ICA1: variants seen among roughly 807,000 people sequenced by gnomAD.
The protein encoded by ICA1 is 69 kDa islet cell autoantigen.
A neutral mutation model predicts 71.0 loss-of-function variants in ICA1; 40 were observed. That is an observed-to-expected ratio of 0.56 (90% CI 0.44 to 0.73). ICA1 has a LOEUF of 0.73. Among genes scored for constraint, ICA1 ranks in the 30% least tolerant of loss-of-function variants. The probability of loss-of-function intolerance (pLI) is 0.00; values close to 1 mark genes in which losing one functional copy is unlikely to be tolerated. For synonymous variants in ICA1, 207 were observed against 209.5 expected (o/e 0.99, Z 0.10); for missense variants, 578 against 576.5 (o/e 1.00, Z -0.03).
At chr7:8,188,468 G>T (rs928898113) in intron 6 of ICA1, among the ~76,000 whole-genome samples, 4 of 152,160 alleles carry the variant, frequency 2.6e-5, no homozygotes, top group African/African-American at 9.7e-5. Flanking sequence ...AAGGCACAGA[G>T]TCAAGATTCC....
At chr7:8,133,393 A>G (rs1309013504) in intron 12 of ICA1, among the ~76,000 whole-genome samples, 2 of 152,154 alleles carry the variant, frequency 1.3e-5, no homozygotes, top group Non-Finnish European at 2.9e-5. Context: ...CCTTCTGAGT[A>G]GCTGGGACTA....
intron 6 of ICA1, among the ~76,000 whole-genome samples, chr7:8,199,219 T>G (rs1179746604): frequency 2.0e-5 from 3 of 152,214 alleles, no homozygotes; most frequent in Non-Finnish European, 2.9e-5. Flanking sequence ...ACAATCCCAC[T>G]GCAGGGTATA....
intron 6 of ICA1, among the ~76,000 whole-genome samples, chr7:8,217,040 C>G (rs905076993): frequency 6.6e-6 from 1 of 152,208 alleles, no homozygotes; most frequent in Non-Finnish European, 1.5e-5. Context: ...CTGGGCTCAC[C>G]AGCATCTAGC....
At chr7:8,165,515 C>A (rs938321362) in intron 6 of ICA1, among the ~76,000 whole-genome samples, 1 of 152,114 alleles carries the variant, frequency 6.6e-6, no homozygotes, top group Non-Finnish European at 1.5e-5. Flanking sequence ...TATTGGAAGT[C>A]CTAGCTTTGA....
chr7:8,183,702 C>A (rs1782972664), intron 6 of ICA1, among the ~76,000 whole-genome samples: 1 of 152,108 alleles, frequency 6.6e-6, no homozygotes, highest in South Asian at 2.1e-4. Context: ...ATATGAGAAG[C>A]TTTCTTTAAA....
chr7:8,247,657 A>G (rs1248989193), intron 1 of ICA1, among the ~76,000 whole-genome samples: 1 of 152,108 alleles, frequency 6.6e-6, no homozygotes, highest in Non-Finnish European at 1.5e-5. Context: ...AGCTGCCTTG[A>G]ACCCAGATAC....
At chr7:8,258,704 G>A (rs886470803) in intron 1 of ICA1, among the ~76,000 whole-genome samples, 1 of 152,194 alleles carries the variant, frequency 6.6e-6, no homozygotes, top group Admixed American at 6.5e-5. Context: ...CTGTCCTGGA[G>A]AGATTCATTA....
rs574198511 is a variant in ICA1, at chr7:8,208,528, G to A, written c.579+9777C>T. Among the ~76,000 whole-genome samples the A allele has an allele frequency of 3.9e-5, 6 of 152,290 alleles. No individual in the cohort carries two copies. In the South Asian group the frequency reaches 8.3e-4, roughly 21 times the overall value. The stretch of plus-strand genomic sequence containing the variant: ...CTTTTATACTGAAATCTAGAAGATG[G>A]TAAAAATTACAACATTTCATCTTGG... On this transcript the variant is annotated intron_variant, in intron 6 of 13. Coordinates refer to ENST00000402384, the MANE Select transcript of ICA1 (RefSeq NM_001136020.3).
At chr7:8,252,368 T>C (rs1808469910) in intron 1 of ICA1, among the ~76,000 whole-genome samples, 2 of 152,244 alleles carry the variant, frequency 1.3e-5, no homozygotes, top group Non-Finnish European at 2.9e-5. Flanking sequence ...GTTATCCTTA[T>C]ATTTTATTGG....
At chr7:8,172,513 T>C (rs1808746603) in intron 6 of ICA1, among the ~76,000 whole-genome samples, 1 of 152,170 alleles carries the variant, frequency 6.6e-6, no homozygotes, top group African/African-American at 2.4e-5. Flanking sequence ...GATCTTGCTT[T>C]TGAAAAAATC....
intron 6 of ICA1, among the ~76,000 whole-genome samples, chr7:8,181,195 T>C (rs1203320384): frequency 2.0e-5 from 3 of 152,160 alleles, no homozygotes; most frequent in African/African-American, 7.2e-5. Context: ...GTATTCTGTA[T>C]AGATATCCAA....
intron 6 of ICA1, among the ~76,000 whole-genome samples, chr7:8,169,081 C>T (rs933469154): frequency 1.3e-5 from 2 of 152,112 alleles, no homozygotes; most frequent in Non-Finnish European, 2.9e-5. Context: ...ATTTGTCTTT[C>T]TACAGTTTCA....
At chr7:8,194,425 C>T (rs1786722951) in intron 6 of ICA1, among the ~76,000 whole-genome samples, 1 of 152,158 alleles carries the variant, frequency 6.6e-6, no homozygotes, top group Admixed American at 6.5e-5. Flanking sequence ...ATGAAGCCAA[C>T]AGTTTATTAA....
intron 6 of ICA1, among the ~76,000 whole-genome samples, chr7:8,199,911 AG>A (rs1788974246): frequency 6.6e-6 from 1 of 152,192 alleles, no homozygotes; most frequent in South Asian, 2.1e-4. Context: ...GAGGCTGGGA[AG>A]GGTAATGGGA....
chr7:8,251,169 T>G (rs1214119343), intron 1 of ICA1, among the ~76,000 whole-genome samples: 1 of 152,168 alleles, frequency 6.6e-6, no homozygotes, highest in Non-Finnish European at 1.5e-5. Context: ...ATTACAGGCA[T>G]GAGCCACTGT....
At chr7:8,159,330 G>A (rs1029471718) in intron 6 of ICA1, among the ~76,000 whole-genome samples, 4 of 152,216 alleles carry the variant, frequency 2.6e-5, no homozygotes, top group African/African-American at 4.8e-5. Context: ...TGGAGTGAAC[G>A]TCAGGGAAAG....
At chr7:8,152,230 C>T (rs1799060475) in intron 8 of ICA1, among the ~76,000 whole-genome samples, 1 of 151,966 alleles carries the variant, frequency 6.6e-6, no homozygotes, top group Non-Finnish European at 1.5e-5. Flanking sequence ...CCTCCTGTCC[C>T]ACTGCAATTC....
intron 1 of ICA1, among the ~76,000 whole-genome samples, chr7:8,246,203 G>A (rs1046257318): frequency 3.3e-5 from 5 of 152,130 alleles, no homozygotes; most frequent in African/African-American, 7.2e-5. Context: ...GACTGTGAGC[G>A]CCAAGATATT....
intron 8 of ICA1, among the ~76,000 whole-genome samples, chr7:8,152,149 G>A (rs938759266): frequency 1.3e-5 from 2 of 152,074 alleles, no homozygotes; most frequent in South Asian, 2.1e-4. Flanking sequence ...TTTGGGAATC[G>A]AGCTGCCAGA....
Sources: allele counts gnomAD v4.1 joint callset (sites outside exome capture counted in the v4.1 genomes callset), GRCh38; gene constraint gnomAD v4.1.1; transcripts MANE v1.5; gene names NCBI Gene and HGNC (gene_info 2026-07-23, HGNC 2026-07-21).